The following FAM131B variants were observed in gnomAD, a reference collection of about 807,000 sequenced individuals.
The protein encoded by FAM131B is family with sequence similarity 131 member B.
FAM131B carries 19 observed loss-of-function variants against 42.0 expected under a neutral mutation model. The observed-to-expected ratio is 0.45, with a 90% CI of 0.32 to 0.66. The LOEUF is 0.66. FAM131B is among the 30% of genes least tolerant of loss of function. The pLI is 0.05. For missense variants in FAM131B, 370 were observed against 468.4 expected, an observed-to-expected ratio of 0.79 and a Z score of 1.94; for synonymous variants, 183 against 177.6, an observed-to-expected ratio of 1.03 and a Z score of -0.24.
chr7:143,381,317 C>T, the FAM131B span: 2 of 1,121,814 alleles, frequency 1.8e-6, no homozygotes, highest in Non-Finnish European at 2.2e-6. Context: ...CCCTCCCCGC[C>T]CGGCTGGAGG....
upstream of FAM131B, among the ~76,000 whole-genome samples, chr7:143,366,561 T>TC (rs1165520099): frequency 1.4e-5 from 2 of 146,864 alleles, no homozygotes; most frequent in African/African-American, 4.9e-5. Context: ...TCTGTATTCT[T>TC]TTTTTTTTTT....
chr7:143,372,729 C>T, the FAM131B span, among the ~76,000 whole-genome samples: 1 of 152,164 alleles, frequency 6.6e-6, no homozygotes, highest in African/African-American at 2.4e-5. Flanking sequence ...GAGGCTGAGA[C>T]AGGCGGATCA....
At position 143,356,584 on chromosome 7, in the gene FAM131B, G is replaced by A; in HGVS notation, c.1049C>T (p.Ser350Phe). Residue 350 changes from serine to phenylalanine, a missense_variant, in exon 7 of 7, where the codon TCC (serine) becomes TTC (phenylalanine). By Grantham distance (155) the Ser-to-Phe change is radical. Transcript: ENST00000443739. The surrounding 1 kb of genome is among the most constrained non-coding windows in gnomAD (Gnocchi z 4.4). ...GGCCTCGCCTTCCTCCTCATCAAAG[G>A]ACTGCACACCTGAGGATGTGACGTC... Reference protein sequence around the residue: ...VSDVTSSGVQSFDEEEGEANN With the variant: ...VSDVTSSGVQFFDEEEGEANN 1 of 1,613,862 alleles carries A rather than the reference G, an allele frequency of 6.2e-7. No homozygotes were observed. The highest frequency in any genetic ancestry group is 8.5e-7 in the Non-Finnish European group (1 of 1,179,942).
At chr7:143,380,592 C>A in the FAM131B span, 7 of 985,496 alleles carry the variant, frequency 7.1e-6, no homozygotes, top group Non-Finnish European at 6.0e-6. This position sits in a 1 kb window ranked among gnomAD's most constrained non-coding sequence, Gnocchi z 5.0. Flanking sequence ...CGGACCCGAA[C>A]GGTCCCTCTC....
chr7:143,356,740 C>A lies in FAM131B; in HGVS notation c.893G>T (p.Arg298Met). The change falls in exon 7 of 7, where the codon AGG (arginine) becomes ATG (methionine). Residue 298 changes from arginine (R) to methionine (M), a missense_variant. Coordinates refer to ENST00000443739, the MANE Select transcript of FAM131B (RefSeq NM_001031690.3). This position sits in a 1 kb window ranked among gnomAD's most constrained non-coding sequence, Gnocchi z 4.4. ...APGVGAVDLARGPAEEEKRPL... is the reference protein window; with the variant it reads ...APGVGAVDLAMGPAEEEKRPL... ...CCTCTTCTCCTCCTCAGCAGGGCCC[C>A]TTGCCAGGTCCACTGCGCCTACCCC... is the stretch of plus-strand genomic sequence containing the variant. 6.2e-7 allele frequency: 1 copy of A among 1,614,140 alleles called. No homozygotes were observed. Among genetic ancestry groups the A allele is most frequent in the Non-Finnish European group, 8.5e-7 (1 of 1,180,030 alleles).
chr7:143,356,476 T>C lies in FAM131B; in HGVS notation c.*74A>G. ...GTCTGCCCAGTTTCAGCTGTACTGC[T>C]GGGGGGAGGGAGGGTATGGGTCACA... On this transcript the variant is annotated 3_prime_UTR_variant, in exon 7 of 7. Coordinates refer to ENST00000443739, the MANE Select transcript of FAM131B (RefSeq NM_001031690.3). This position sits in a 1 kb window ranked among gnomAD's most constrained non-coding sequence, Gnocchi z 4.4. 8.9e-7 allele frequency: 1 copy of C among 1,125,628 alleles called. No homozygotes were observed. The highest frequency in any genetic ancestry group is 1.3e-6 in the Non-Finnish European group (1 of 758,938). The allele number at this position is 1,125,628 out of a possible 1,614,324, so 69.7% of individuals were successfully genotyped here. A position where few individuals can be genotyped will look rare whatever the true frequency, so the allele number is the denominator to read the frequency against.
chr7:143,376,298 C>T, the FAM131B span, among the ~76,000 whole-genome samples: 1 of 152,120 alleles, frequency 6.6e-6, no homozygotes, highest in Non-Finnish European at 1.5e-5. Flanking sequence ...TATACTAAAA[C>T]TATCTACTTA....
upstream of FAM131B, among the ~76,000 whole-genome samples, chr7:143,364,628 TTC>T (rs1220349671): frequency 6.6e-6 from 1 of 152,154 alleles, no homozygotes; most frequent in Non-Finnish European, 1.5e-5. Context: ...CCATCTTGCA[TTC>T]TGTCTTGAAG....
At chr7:143,361,619 G>A (rs1803986462) in intron 1 of FAM131B, 2 of 150,984 alleles carry the variant, frequency 1.3e-5, no homozygotes, top group South Asian at 4.2e-4. Context: ...GTTGGAAAGG[G>A]GAAGAATGGG....
chr7:143,366,847 T>C (rs1804192692), upstream of FAM131B, among the ~76,000 whole-genome samples: 2 of 152,136 alleles, frequency 1.3e-5, no homozygotes, highest in African/African-American at 4.8e-5. Context: ...TGTGAGCCAA[T>C]GCACCTAGCC....
chr7:143,364,839 A>C (rs1279680880), upstream of FAM131B, among the ~76,000 whole-genome samples: 1 of 152,228 alleles, frequency 6.6e-6, no homozygotes, highest in Non-Finnish European at 1.5e-5. Context: ...CTGGACTTTA[A>C]ATACATACTT....
chr7:143,357,282 T>C lies in FAM131B; in HGVS notation c.608A>G (p.Gln203Arg), dbSNP rs1803710262. The C allele has an allele frequency of 2.5e-6, 4 of 1,614,080 alleles. No homozygotes were observed. The highest frequency in any genetic ancestry group is 3.4e-6 in the Non-Finnish European group (4 of 1,179,980). Residue 203 changes from glutamine to arginine, a missense_variant and splice_region_variant, in exon 6 of 7, where the codon CAG becomes CGG. Coordinates refer to ENST00000443739, the MANE Select transcript of FAM131B (RefSeq NM_001031690.3). ...SDNYQELMDS[Q>R]DALAQAPMDG... The stretch of plus-strand genomic sequence containing the variant: ...TTGGATTCTGGAACATCTCTCACCC[T>C]GACTGTCCATCAGTTCCTGGTAGTT...
At chr7:143,372,458 C>T in the FAM131B span, among the ~76,000 whole-genome samples, 1 of 152,160 alleles carries the variant, frequency 6.6e-6, no homozygotes, top group South Asian at 2.1e-4. Flanking sequence ...ATAGAAGGAG[C>T]TGGTTGGAGA....
chr7:143,378,154 C>A, the FAM131B span, among the ~76,000 whole-genome samples: 2 of 152,214 alleles, frequency 1.3e-5, no homozygotes, highest in South Asian at 4.1e-4. Flanking sequence ...TTCACGTGGT[C>A]CCTGGCCCGT....
the FAM131B span, among the ~76,000 whole-genome samples, chr7:143,372,314 G>A: frequency 6.6e-6 from 1 of 152,252 alleles, no homozygotes; most frequent in Non-Finnish European, 1.5e-5. Context: ...TGAGAAAGAG[G>A]CACAGGAAGT....
At chr7:143,369,756 A>AT in the FAM131B span, among the ~76,000 whole-genome samples, 2 of 152,180 alleles carry the variant, frequency 1.3e-5, no homozygotes, top group African/African-American at 4.8e-5. Context: ...AGAAAAAAAA[A>AT]GACCATTGTT....
At chr7:143,380,690 G>C in the FAM131B span, 1 of 985,324 alleles carries the variant, frequency 1.0e-6, no homozygotes, top group East Asian at 1.1e-4. The surrounding 1 kb of genome is among the most constrained non-coding windows in gnomAD (Gnocchi z 5.0). Context: ...GTATCCCCAA[G>C]AATGCTGGAG....
chr7:143,378,559 T>C, the FAM131B span, among the ~76,000 whole-genome samples: 26 of 147,028 alleles, frequency 1.8e-4, no homozygotes, highest in Non-Finnish European at 2.8e-4. Context: ...GCCACTCTTG[T>C]TCATTTCCTG....
chr7:143,376,127 T>C, the FAM131B span, among the ~76,000 whole-genome samples: 3 of 152,174 alleles, frequency 2.0e-5, no homozygotes, highest in Non-Finnish European at 4.4e-5. Context: ...TAGATTCTGG[T>C]TCCCTGGTCC....
Sources: gnomAD v4.1 joint callset for allele counts (sites outside exome capture counted in the v4.1 genomes callset) on GRCh38, gnomAD v4.1.1 for gene constraint, Gnocchi (gnomAD v3.1) non-coding constraint, MANE v1.5 for transcripts, NCBI Gene and HGNC (gene_info 2026-07-23, HGNC 2026-07-21) for gene names.